Variants in EPG5 observed in about 807,000 individuals in gnomAD.
EPG5 encodes the protein ectopic P granules protein 5 homolog.
In EPG5, 159 loss-of-function variants were observed where a neutral mutation model predicts 302.7. The observed-to-expected ratio is 0.53, with a 90% confidence interval of 0.46 to 0.60. The LOEUF (loss-of-function observed/expected upper bound fraction) is 0.60. Ranked by LOEUF, EPG5 falls within the 20% of genes least tolerant of loss-of-function variation. EPG5 has a pLI of 0.00. For synonymous variants in EPG5, 1,158 were observed against 1,136.8 expected, an observed-to-expected ratio of 1.02 and a Z score of -0.37; for missense variants, 2,896 against 3,092.4, an observed-to-expected ratio of 0.94 and a Z score of 1.51.
chr18:45,810,533 G>A, the EPG5 span, among the ~76,000 whole-genome samples: 1 of 152,218 alleles, frequency 6.6e-6, no homozygotes, highest in African/African-American at 2.4e-5. Flanking sequence ...AGTAGCTCAT[G>A]CTTGTAATCC....
chr18:45,955,226 T>C lies in EPG5; in HGVS notation c.176A>G (p.His59Arg), dbSNP rs2051000958. The C allele has an allele frequency of 1.2e-6, 2 of 1,614,224 alleles. No homozygotes were observed. The highest frequency in any genetic ancestry group is 2.2e-5 in the South Asian group (2 of 91,086). ...CTGGGAATCAGTTACCACCTTCAGA[T>C]GGTCTCCTTTGAATTCACAGGCTAG... ...PSLACEFKGD[H>R]LKVVTDSQLQ... The change falls in exon 2 of 44, where the codon CAT (histidine) becomes CGT (arginine). Residue 59 changes from histidine (H) to arginine (R), a missense_variant. This residue lies in a region of EPG5 where 1,390 missense variants were observed against 1,430.0 expected (regional missense o/e 0.97). Transcript: ENST00000282041.
Position 45,941,714 on chromosome 18 carries a change from G to A in EPG5, c.1943+1447C>T, listed in dbSNP as rs565769843. ...CACAGTCCTGGCATACAGTAAGCAC[G>A]CAATCCTACATCATGTAAGTGAGCT... On this transcript the variant is annotated intron_variant, in intron 9 of 43. Coordinates refer to ENST00000282041, the MANE Select transcript of EPG5 (RefSeq NM_020964.3). Among the ~76,000 whole-genome samples, 37 of 152,282 alleles carry A rather than the reference G, an allele frequency of 2.4e-4. 1 individual carries two copies. In the East Asian group the frequency reaches 5.6e-3, roughly 23 times the overall value.
At position 45,967,223 on chromosome 18, in the gene EPG5, T is replaced by C; in HGVS notation, c.17A>G (p.Lys6Arg). MAEAV[K>R]PQRRAKAKAS... ...CTTGGCCTTGGCCCGGCGCTGGGGC[T>C]TCACCGCCTCGGCCATAGACCCTTC... The change falls in exon 1 of 44, where the codon AAG becomes AGG. Residue 6 changes from lysine to arginine, a missense_variant. Lys to Arg is a conservative substitution (Grantham distance 26, BLOSUM62 2). Transcript: ENST00000282041. 3 of 1,604,770 alleles carry C rather than the reference T, an allele frequency of 1.9e-6. No individual in the cohort carries two copies. Among genetic ancestry groups the C allele is most frequent in the Non-Finnish European group, 2.6e-6 (3 of 1,175,908 alleles).
chr18:45,910,703 T>A lies in EPG5; in HGVS notation c.4023A>T (p.Gln1341His). 1 of 1,614,078 alleles carries A rather than the reference T, an allele frequency of 6.2e-7. No individual in the cohort carries two copies. The highest frequency in any genetic ancestry group is 1.1e-5 in the South Asian group (1 of 91,064). The change falls in exon 23 of 44, where the codon CAA becomes CAT. Residue 1341 changes from glutamine to histidine, a missense_variant. Around this residue, in one of 5 missense-constraint regions of EPG5, gnomAD observed 790 missense variants for 798.0 expected, o/e 0.99. Coordinates refer to ENST00000282041, the MANE Select transcript of EPG5 (RefSeq NM_020964.3). ...IDGCIGRRFF[Q>H]SPAHINLLKE... ...TCAACAAATTGATATGAGCAGGACT[T>A]TGAAAAAACCTTCTTCCAATACAAC...
intron 35 of EPG5, among the ~76,000 whole-genome samples, chr18:45,872,162 A>G (rs2048884212): frequency 6.6e-6 from 1 of 152,248 alleles, no homozygotes; most frequent in African/African-American, 2.4e-5. Context: ...ATTAACTGTC[A>G]TTCATGTAAG....
In EPG5 at chr18:45,851,092, T is replaced by C. The variant is rs1263545953; in HGVS notation, c.*1375A>G. 1 of 152,202 alleles carries C rather than the reference T, an allele frequency of 6.6e-6. No individual in the cohort carries two copies. The highest frequency in any genetic ancestry group is 6.5e-5 in the Admixed American group (1 of 15,284). The allele number at this position is 152,202 out of a possible 1,614,324, so 9.4% of individuals were successfully genotyped here. ...AGAAAAGCTCCTACCAACTTCCCAA[T>C]TTTGGGGGAAGCATTCCAAAAGGAC... On this transcript the variant is annotated 3_prime_UTR_variant, in exon 44 of 44. Transcript: ENST00000282041.
the EPG5 span, among the ~76,000 whole-genome samples, chr18:45,820,616 T>C: frequency 1.6e-5 from 2 of 124,330 alleles, no homozygotes; most frequent in Non-Finnish European, 3.7e-5. Flanking sequence ...GCTGCTGAGA[T>C]TGACACCTCT....
intron 41 of EPG5, 109 bp downstream of exon 41, chr18:45,858,457 A>AT (rs1227221779): frequency 5.4e-5 from 42 of 783,760 alleles, no homozygotes; most frequent in Non-Finnish European, 8.3e-5. Context: ...TTAAAACCTT[A>AT]TTTTTTATGC....
At chr18:45,814,765 G>A in the EPG5 span, among the ~76,000 whole-genome samples, 28 of 152,288 alleles carry the variant, frequency 1.8e-4, no homozygotes, top group Middle Eastern at 3.4e-3. Flanking sequence ...GCCAGGAGTT[G>A]AGCCCAAGAC....
chr18:45,879,927 G>T, intron 32 of EPG5, 148 bp downstream of exon 32: 1 of 807,828 alleles, frequency 1.2e-6, no homozygotes, highest in East Asian at 2.8e-5. Context: ...TCTGGAAAAA[G>T]GGGACACGAG....
At chr18:45,826,295 CTG>C in the EPG5 span, among the ~76,000 whole-genome samples, 1 of 152,128 alleles carries the variant, frequency 6.6e-6, no homozygotes, top group African/African-American at 2.4e-5. Context: ...AGTGGGAACA[CTG>C]TGGCAGGTTT....
At chr18:45,816,510 C>A in the EPG5 span, among the ~76,000 whole-genome samples, 1 of 151,910 alleles carries the variant, frequency 6.6e-6, no homozygotes, top group South Asian at 2.1e-4. Flanking sequence ...ATACAAATGG[C>A]CAAAAAACAT....
chr18:45,966,680 C>A (rs1419640425), intron 1 of EPG5, among the ~76,000 whole-genome samples: 1 of 152,154 alleles, frequency 6.6e-6, no homozygotes, highest in South Asian at 2.1e-4. Context: ...AGAGGCAGCA[C>A]TACTATCATC....
chr18:45,915,943 A>T, intron 19 of EPG5, 66 bp downstream of exon 19: 1 of 1,397,294 alleles, frequency 7.2e-7, no homozygotes, highest in Non-Finnish European at 9.7e-7. Flanking sequence ...ACTTGGGGGA[A>T]TCTTTTTAGA....
chr18:45,963,860 G>A (rs1033739891), intron 1 of EPG5, among the ~76,000 whole-genome samples: 19 of 152,118 alleles, frequency 1.2e-4, no homozygotes, highest in Non-Finnish European at 2.6e-4. Flanking sequence ...AAGAATGAAC[G>A]TAAAGAGGCC....
chr18:45,899,696 C>A, intron 26 of EPG5, 130 bp from the exon 27 acceptor site: 1 of 920,576 alleles, frequency 1.1e-6, no homozygotes. Context: ...TAACAGAGGA[C>A]CAAAGGTTGT....
intron 42 of EPG5, among the ~76,000 whole-genome samples, chr18:45,857,308 A>G (rs984166422): frequency 2.6e-5 from 4 of 152,034 alleles, no homozygotes; most frequent in African/African-American, 9.6e-5. Context: ...ACGGGGTTTC[A>G]CCATGTTGGC....
At chr18:45,837,364 C>G in the EPG5 span, 1 of 1,251,878 alleles carries the variant, frequency 8.0e-7, no homozygotes, top group Non-Finnish European at 1.1e-6. Flanking sequence ...GGTTCCGGCT[C>G]CCCTGGAAGT....
At chr18:45,829,627 C>G in the EPG5 span, among the ~76,000 whole-genome samples, 69 of 152,274 alleles carry the variant, frequency 4.5e-4, no homozygotes, top group Admixed American at 7.2e-4. Context: ...ACCCCCGGAG[C>G]CACACTCCTG....
Sources: allele counts gnomAD v4.1 joint callset (sites outside exome capture counted in the v4.1 genomes callset), GRCh38; gene constraint gnomAD v4.1.1; regional missense constraint gnomAD v4.1.1; transcripts MANE v1.5; gene names NCBI Gene and HGNC (gene_info 2026-07-23, HGNC 2026-07-21).